The following FAM171A1 variants were observed in gnomAD, a reference collection of about 807,000 sequenced individuals.
FAM171A1 encodes the protein protein FAM171A1.
A neutral mutation model predicts 74.9 loss-of-function variants in FAM171A1; 23 were observed. That is an observed-to-expected ratio of 0.31 (90% CI 0.22 to 0.44). The LOEUF is 0.44. FAM171A1 is among the 20% of genes least tolerant of loss of function. The pLI is 1.00. For synonymous variants in FAM171A1, 527 were observed against 505.7 expected, an observed-to-expected ratio of 1.04 and a Z score of -0.57; for missense variants, 1,162 against 1,159.2, an observed-to-expected ratio of 1.00 and a Z score of -0.03.
At chr10:15,358,901 G>T (rs541916576) in intron 1 of FAM171A1, among the ~76,000 whole-genome samples, 1 of 152,196 alleles carries the variant, frequency 6.6e-6, no homozygotes, top group African/African-American at 2.4e-5. Flanking sequence ...AGCACAGTTG[G>T]GGGGTGAAGT....
rs77838791 is a variant in FAM171A1, at chr10:15,351,114, C to T, written c.97+19842G>A. On this transcript the variant is annotated intron_variant, in intron 1 of 7. Transcript: ENST00000378116. ...CTTTTTCTTTATTTATCTTTGCTTCCTCCATAGGAACTCGAGGCCCTGAAA... is the reference window on the plus strand; with the variant it reads ...CTTTTTCTTTATTTATCTTTGCTTCTTCCATAGGAACTCGAGGCCCTGAAA... Among the ~76,000 whole-genome samples, 113 of 152,312 alleles carry T rather than the reference C, an allele frequency of 7.4e-4. 2 individuals are homozygous for T. In the East Asian group the frequency reaches 0.021, roughly 28 times the overall value.
At chr10:15,373,111 C>T (rs576198060), upstream of FAM171A1, among the ~76,000 whole-genome samples, 2 of 152,298 alleles carry the variant, frequency 1.3e-5, no homozygotes, top group African/African-American at 4.8e-5. Context: ...AGACAAATGA[C>T]TGTGAGACAT....
intron 6 of FAM171A1, among the ~76,000 whole-genome samples, chr10:15,218,642 T>C (rs1298855039): frequency 1.3e-5 from 2 of 152,134 alleles, no homozygotes; most frequent in Non-Finnish European, 2.9e-5. Context: ...TCACCTACGC[T>C]GGAGTGCAGT....
chr10:15,233,521 G>GGTGT (rs61637156), intron 5 of FAM171A1, among the ~76,000 whole-genome samples: 23,910 of 145,172 alleles, frequency 0.16, 2,047 homozygotes, highest in Middle Eastern at 0.26. Flanking sequence ...GTGTATTCAG[G>GGTGT]GTGTGTGTGT....
At chr10:15,257,474 G>A (rs533898697) in intron 3 of FAM171A1, among the ~76,000 whole-genome samples, 29 of 152,214 alleles carry the variant, frequency 1.9e-4, no homozygotes, top group East Asian at 7.7e-4. Flanking sequence ...TCTGCTTCTC[G>A]TGCCTTCTCG....
At chr10:15,215,258 A>G (rs970802341) in intron 7 of FAM171A1, among the ~76,000 whole-genome samples, 2 of 152,328 alleles carry the variant, frequency 1.3e-5, no homozygotes, top group South Asian at 2.1e-4. Context: ...CCTTTTTAAA[A>G]CAGCTAAACT....
chr10:15,288,270 G>A (rs1835061931), intron 1 of FAM171A1, among the ~76,000 whole-genome samples: 1 of 151,864 alleles, frequency 6.6e-6, no homozygotes, highest in African/African-American at 2.4e-5. Flanking sequence ...TTTTGTTCTG[G>A]GTAGATACCG....
At chr10:15,356,806 A>G (rs1355875691) in intron 1 of FAM171A1, among the ~76,000 whole-genome samples, 1 of 151,840 alleles carries the variant, frequency 6.6e-6, no homozygotes, top group Admixed American at 6.6e-5. Flanking sequence ...CCCTGTCTCT[A>G]CTGAAAATAC....
In FAM171A1 at chr10:15,364,010, G is replaced by A. The variant is rs116249805; in HGVS notation, c.97+6946C>T. 9.0e-4 allele frequency among the ~76,000 whole-genome samples: 137 copies of A among 151,950 alleles called. 1 individual carries two copies. Among genetic ancestry groups the A allele is most frequent in the African/African-American group, 3.0e-3 (124 of 41,430 alleles). ...TCTCAGAGGGGCCATGCTGAGCCCT[G>A]GGGAGGACAACTGGGAGGCCATTCA... On this transcript the variant is annotated intron_variant, in intron 1 of 7. Transcript: ENST00000378116.
intron 1 of FAM171A1, among the ~76,000 whole-genome samples, chr10:15,288,322 C>A (rs1167792439): frequency 6.7e-6 from 1 of 148,706 alleles, no homozygotes; most frequent in Admixed American, 6.7e-5. Flanking sequence ...TTTTTTTTTT[C>A]ATAGGTTTTT....
chr10:15,357,570 C>A (rs893425863), intron 1 of FAM171A1, among the ~76,000 whole-genome samples: 2 of 152,144 alleles, frequency 1.3e-5, no homozygotes, highest in African/African-American at 4.8e-5. Flanking sequence ...CCTAGGTTAG[C>A]ACTTAATATT....
At chr10:15,221,084 T>C (rs1191549855) in intron 5 of FAM171A1, 24 bp from the exon 6 acceptor site, 1 of 1,590,274 alleles carries the variant, frequency 6.3e-7, no homozygotes, top group Non-Finnish European at 8.6e-7. Context: ...AAAGAGATGT[T>C]AGCTACAAGC....
chr10:15,346,807 A>G (rs1353072711), intron 1 of FAM171A1, among the ~76,000 whole-genome samples: 2 of 152,214 alleles, frequency 1.3e-5, no homozygotes, highest in Non-Finnish European at 2.9e-5. Flanking sequence ...CATTTAAGTG[A>G]TCCTCCAGAG....
At chr10:15,301,026 C>T (rs968471475) in intron 1 of FAM171A1, among the ~76,000 whole-genome samples, 5 of 152,126 alleles carry the variant, frequency 3.3e-5, no homozygotes, top group African/African-American at 4.8e-5. Context: ...CTCTCTCATA[C>T]CCACTGTGGA....
At chr10:15,314,031 C>T (rs1202947769) in intron 1 of FAM171A1, among the ~76,000 whole-genome samples, 3 of 152,312 alleles carry the variant, frequency 2.0e-5, no homozygotes, top group East Asian at 1.9e-4. Context: ...TTTTCTGTGT[C>T]GCTGGCAGAT....
At chr10:15,349,109 T>C (rs565605074) in intron 1 of FAM171A1, among the ~76,000 whole-genome samples, 49 of 152,310 alleles carry the variant, frequency 3.2e-4, no homozygotes, top group African/African-American at 1.1e-3. Flanking sequence ...TGTTAAGTTG[T>C]TAGCAAACCT....
At position 15,371,133 on chromosome 10, in the gene FAM171A1, G is replaced by A. The variant is rs1278753044; in HGVS notation, c.-81C>T. ...CGCGTCACGGGCGGCCGGGCGCCGC[G>A]CCCCCCTCCATGTCGCTGGCTCCGC... On this transcript the variant is annotated 5_prime_UTR_variant, in exon 1 of 8. Transcript: ENST00000378116. 16 of 542,208 alleles carry A rather than the reference G, an allele frequency of 3.0e-5. No homozygotes were observed. Among genetic ancestry groups the A allele is most frequent in the South Asian group, 7.4e-5 (1 of 13,600 alleles). 33.6% of individuals were successfully genotyped at this position (542,208 alleles called of 1,614,324 possible).
intron 4 of FAM171A1, 46 bp from the exon 5 acceptor site, chr10:15,248,861 T>C: frequency 6.5e-7 from 1 of 1,541,378 alleles, no homozygotes; most frequent in South Asian, 1.3e-5. Context: ...AAAGTACCCA[T>C]GTGGGGCTGT....
At chr10:15,217,370 G>T (rs1258488458) in intron 6 of FAM171A1, among the ~76,000 whole-genome samples, 1 of 152,154 alleles carries the variant, frequency 6.6e-6, no homozygotes, top group African/African-American at 2.4e-5. Flanking sequence ...AAACACCACA[G>T]ACACCCATTT....
Sources: gnomAD v4.1 joint callset for allele counts (sites outside exome capture counted in the v4.1 genomes callset) on GRCh38, gnomAD v4.1.1 for gene constraint, MANE v1.5 for transcripts, NCBI Gene and HGNC (gene_info 2026-07-23, HGNC 2026-07-21) for gene names.